The following GRIK3 variants were observed in gnomAD, a reference collection of about 807,000 sequenced individuals.
GRIK3 encodes glutamate ionotropic receptor kainate type subunit 3.
In GRIK3, 29 loss-of-function variants were observed where a neutral mutation model predicts 102.5. That is an observed-to-expected ratio of 0.28 (90% CI 0.21 to 0.39). The LOEUF is 0.39. Among genes scored for constraint, GRIK3 ranks in the 10% least tolerant of loss-of-function variants. The probability of loss-of-function intolerance (pLI) is 1.00; values close to 1 mark genes in which losing one functional copy is unlikely to be tolerated. For synonymous variants in GRIK3, 511 were observed against 504.9 expected (o/e 1.01, Z -0.16); for missense variants, 908 against 1,252.4 (o/e 0.73, Z 4.15).
intron 1 of GRIK3, among the ~76,000 whole-genome samples, chr1:36,963,611 A>G (rs2124351095): frequency 6.6e-6 from 1 of 152,292 alleles, no homozygotes; most frequent in East Asian, 1.9e-4. Context: ...ACAGCTGGGA[A>G]GTGGTGGAAC....
In GRIK3 at chr1:36,813,764, G is replaced by A. The variant is rs548039542; in HGVS notation, c.2091+3296C>T. 2.1e-5 allele frequency among the ~76,000 whole-genome samples: 3 copies of A among 145,298 alleles called. No individual in the cohort carries two copies. The East Asian group carries it at 6.2e-4, about 30-fold the overall frequency. On this transcript the variant is annotated intron_variant, in intron 13 of 15. Coordinates refer to ENST00000373091, the MANE Select transcript of GRIK3 (RefSeq NM_000831.4). ...ACCTTCAGCGGGGGCGGGGCGGGGG[G>A]TGGTGCTTCTAGCTCATCATCTGAG...
intron 1 of GRIK3, among the ~76,000 whole-genome samples, chr1:36,986,712 T>G (rs1399560300): frequency 6.6e-6 from 1 of 152,186 alleles, no homozygotes; most frequent in Non-Finnish European, 1.5e-5. Flanking sequence ...TGCCAAAGCC[T>G]GGAGGAGCTG....
intron 1 of GRIK3, among the ~76,000 whole-genome samples, chr1:36,928,390 C>T (rs1641552078): frequency 6.6e-6 from 1 of 152,182 alleles, no homozygotes; most frequent in South Asian, 2.1e-4. Context: ...TCGTGGCTGC[C>T]CAGGTGAACA....
intron 1 of GRIK3, among the ~76,000 whole-genome samples, chr1:36,897,447 C>T (rs78504027): frequency 4.3e-4 from 66 of 152,208 alleles, no homozygotes; most frequent in African/African-American, 1.5e-3. Flanking sequence ...AAGACTTGTA[C>T]CTGCTCAATG....
At chr1:36,962,457 A>G (rs914772716) in intron 1 of GRIK3, among the ~76,000 whole-genome samples, 1 of 152,000 alleles carries the variant, frequency 6.6e-6, no homozygotes, top group Non-Finnish European at 1.5e-5. Flanking sequence ...TCAAGAAAGA[A>G]TTAAAGGGAT....
At chr1:36,966,463 C>T (rs1220072065) in intron 1 of GRIK3, among the ~76,000 whole-genome samples, 1 of 152,134 alleles carries the variant, frequency 6.6e-6, no homozygotes, top group Non-Finnish European at 1.5e-5. Context: ...GAGGTCAGCA[C>T]CAGGGACAGC....
Position 36,796,862 on chromosome 1 carries a change from T to C in GRIK3, c.*4989A>G, listed in dbSNP as rs896004083. 3.3e-5 allele frequency: 5 copies of C among 152,168 alleles called. No individual in the cohort carries two copies. Among genetic ancestry groups the C allele is most frequent in the African/African-American group, 1.2e-4 (5 of 41,434 alleles). The allele number at this position is 152,168 out of a possible 1,614,324, so 9.4% of individuals were successfully genotyped here. ...ACAGGCCTGGGGAGTGGCCTGCTCT[T>C]TCCCAGCCCTTCTGCTCCTGATGAA... On this transcript the variant is annotated 3_prime_UTR_variant, in exon 16 of 16. Coordinates refer to ENST00000373091, the MANE Select transcript of GRIK3 (RefSeq NM_000831.4).
intron 1 of GRIK3, among the ~76,000 whole-genome samples, chr1:36,989,481 G>A (rs1339657816): frequency 6.6e-6 from 1 of 152,236 alleles, no homozygotes; most frequent in Non-Finnish European, 1.5e-5. Flanking sequence ...GCGGCAGTGT[G>A]CGAAGGAGGT....
At chr1:36,866,714 C>G (rs1640788935) in intron 5 of GRIK3, among the ~76,000 whole-genome samples, 1 of 152,158 alleles carries the variant, frequency 6.6e-6, no homozygotes, top group East Asian at 1.9e-4. Flanking sequence ...GTAACTTGCC[C>G]AAGGGAGTGG....
chr1:36,998,048 G>GCTGA (rs771168300), intron 1 of GRIK3, among the ~76,000 whole-genome samples: 103 of 152,180 alleles, frequency 6.8e-4, no homozygotes, highest in African/African-American at 2.3e-3. Context: ...AGCAGGCATA[G>GCTGA]CTGACTGACT....
chr1:36,976,514 A>G (rs1346877522), intron 1 of GRIK3, among the ~76,000 whole-genome samples: 1 of 152,028 alleles, frequency 6.6e-6, no homozygotes, highest in Non-Finnish European at 1.5e-5. Context: ...TGGGCCATGG[A>G]CCTTGGCAGA....
intron 3 of GRIK3, among the ~76,000 whole-genome samples, chr1:36,873,918 G>C (rs778206495): frequency 1.3e-5 from 2 of 152,142 alleles, no homozygotes; most frequent in Non-Finnish European, 2.9e-5. Context: ...CGTAGACCTC[G>C]AGAAGGATTC....
chr1:36,904,840 A>G (rs773450480), intron 1 of GRIK3, among the ~76,000 whole-genome samples: 106 of 152,114 alleles, frequency 7.0e-4, no homozygotes, highest in Admixed American at 1.8e-3. Context: ...TCATTACGCT[A>G]CTCTCTCTGT....
chr1:36,845,427 G>T (rs180917874), intron 9 of GRIK3, among the ~76,000 whole-genome samples: 1 of 152,168 alleles, frequency 6.6e-6, no homozygotes, highest in Non-Finnish European at 1.5e-5. Flanking sequence ...CTCTTGGTCC[G>T]GTTTCTCTCC....
intron 1 of GRIK3, among the ~76,000 whole-genome samples, chr1:36,901,501 TA>T (rs1160113388): frequency 6.6e-6 from 1 of 152,202 alleles, no homozygotes; most frequent in Non-Finnish European, 1.5e-5. Flanking sequence ...CCATTAATGA[TA>T]AAAACTCTCA....
chr1:36,850,115 C>G lies in GRIK3; in HGVS notation c.1326+196G>C, dbSNP rs938305362. The G allele has an allele frequency of 1.8e-6, 1 of 567,166 alleles. No individual in the cohort carries two copies. The allele number at this position is 567,166 out of a possible 1,614,324, so 35.1% of individuals were successfully genotyped here. A position where few individuals can be genotyped will look rare whatever the true frequency, so the allele number is the denominator to read the frequency against. On this transcript the variant is annotated intron_variant, in intron 9 of 15. Transcript: ENST00000373091. The surrounding 1 kb of genome is among the most constrained non-coding windows in gnomAD (Gnocchi z 4.0). Reference sequence around the variant, plus strand: ...GTGGGAGTGAGACACAAAAACGCAGCGGCTTCCGCCCGTGGCAGCGAGCAG... The same window carrying G: ...GTGGGAGTGAGACACAAAAACGCAGGGGCTTCCGCCCGTGGCAGCGAGCAG...
At chr1:36,834,667 C>T (rs1442254347) in intron 10 of GRIK3, among the ~76,000 whole-genome samples, 1 of 152,098 alleles carries the variant, frequency 6.6e-6, no homozygotes, top group African/African-American at 2.4e-5. Flanking sequence ...TAGGAAGGCT[C>T]AGTGGAATTT....
rs1462721192 is a variant in GRIK3, at chr1:36,796,278, G to C, written c.*5573C>G. 1 of 152,474 alleles carries C rather than the reference G, an allele frequency of 6.6e-6. No homozygotes were observed. Among genetic ancestry groups the C allele is most frequent in the Non-Finnish European group, 1.5e-5 (1 of 68,248 alleles). The allele number at this position is 152,474 out of a possible 1,614,324, so 9.4% of individuals were successfully genotyped here. On this transcript the variant is annotated 3_prime_UTR_variant, in exon 16 of 16. Transcript: ENST00000373091. ...GGACAGAGATCTGCAGCCTCCTGGG[G>C]AGGGGGCACTCTGCCAACTGCCCTG... is the stretch of plus-strand genomic sequence containing the variant.
intron 1 of GRIK3, among the ~76,000 whole-genome samples, chr1:36,895,913 G>T (rs1267645342): frequency 6.6e-6 from 1 of 152,078 alleles, no homozygotes; most frequent in Non-Finnish European, 1.5e-5. Context: ...GAGGAAAAAA[G>T]ATAAGAATTA....
Sources: gnomAD v4.1 joint callset for allele counts (sites outside exome capture counted in the v4.1 genomes callset) on GRCh38, gnomAD v4.1.1 for gene constraint, Gnocchi (gnomAD v3.1) non-coding constraint, MANE v1.5 for transcripts, NCBI Gene and HGNC (gene_info 2026-07-23, HGNC 2026-07-21) for gene names.